Variants in SMAD4 observed in about 807,000 individuals in gnomAD.
SMAD4 encodes the protein SMAD family member 4.
In SMAD4, 7 loss-of-function variants were observed where a neutral mutation model predicts 63.2. That is an observed-to-expected ratio of 0.11 (90% CI 0.06 to 0.21). The LOEUF (loss-of-function observed/expected upper bound fraction) is 0.21, where lower values mean the gene tolerates loss of function less well. Among genes scored for constraint, SMAD4 ranks in the 10% least tolerant of loss-of-function variants. The pLI, the probability that SMAD4 is intolerant of heterozygous loss-of-function variation, is 1.00. For synonymous variants in SMAD4, 215 were observed against 235.4 expected, an observed-to-expected ratio of 0.91 and a Z score of 0.79; for missense variants, 312 against 693.8, an observed-to-expected ratio of 0.45 and a Z score of 6.18.
At chr18:51,050,658 CAAAA>C (rs796225213) in intron 4 of SMAD4, among the ~76,000 whole-genome samples, 1 of 84,778 alleles carries the variant, frequency 1.2e-5, no homozygotes, top group Non-Finnish European at 2.6e-5. Context: ...GACTCTGTCT[CAAAA>C]AAAAAAAAAA....
At chr18:51,057,191 C>A (rs538507614) in intron 5 of SMAD4, among the ~76,000 whole-genome samples, 3 of 151,988 alleles carry the variant, frequency 2.0e-5, no homozygotes, top group Non-Finnish European at 4.4e-5. Context: ...TACTCTCTTC[C>A]ATCTGATTAT....
Position 51,083,099 on chromosome 18 carries a change from G to GC in SMAD4, c.*4632_*4633insC. 4.4e-6 allele frequency: 1 copy of GC among 225,518 alleles called. No individual in the cohort carries two copies. The highest frequency in any genetic ancestry group is 6.4e-5 in the East Asian group (1 of 15,574). The allele number at this position is 225,518 out of a possible 1,614,324, so 14.0% of individuals were successfully genotyped here. On this transcript the variant is annotated 3_prime_UTR_variant, in exon 12 of 12. Transcript: ENST00000342988. Reference sequence around the variant, plus strand: ...ATTTTCCCCCTTAGAATAATATTTTGAAAGGTTTCATTGCTTCCACTTGAA... The same window carrying GC: ...ATTTTCCCCCTTAGAATAATATTTTGCAAAGGTTTCATTGCTTCCACTTGAA...
rs371222845 is a variant in SMAD4 at position 51,061,000 on chromosome 18, A to G, written c.955+1084A>G. Among the ~76,000 whole-genome samples the G allele has an allele frequency of 3.3e-5, 5 of 152,126 alleles. No homozygotes were observed. The South Asian group carries it at 6.2e-4, about 19-fold the overall frequency. ...GTGATCCTCCTGTCTTAGCCTCCCA[A>G]AGTGCTGGGATTATAGACGTGAGCC... is the stretch of plus-strand genomic sequence containing the variant. On this transcript the variant is annotated intron_variant, in intron 8 of 11. Coordinates refer to ENST00000342988, the MANE Select transcript of SMAD4 (RefSeq NM_005359.6).
chr18:51,068,327 T>TC (rs1415721125), intron 10 of SMAD4, among the ~76,000 whole-genome samples: 2 of 152,170 alleles, frequency 1.3e-5, no homozygotes, highest in Non-Finnish European at 2.9e-5. Context: ...AATGTGTTTC[T>TC]CCCCCAACTT....
Position 51,084,901 on chromosome 18 carries a change from GTCAGT to G in SMAD4, c.*6436_*6440del, listed in dbSNP as rs1910711312. ...GTAGCTTCTGCTTTGGGGACAACTGGTCAGTTGAAAGTCCCAGGAGTTCCTTTGTG... is the reference window on the plus strand; with the variant it reads ...GTAGCTTCTGCTTTGGGGACAACTGGTGAAAGTCCCAGGAGTTCCTTTGTG... On this transcript the variant is annotated 3_prime_UTR_variant, in exon 12 of 12. Coordinates refer to ENST00000342988, the MANE Select transcript of SMAD4 (RefSeq NM_005359.6). 4.5e-6 allele frequency: 1 copy of G among 221,476 alleles called. No individual in the cohort carries two copies. Among genetic ancestry groups the G allele is most frequent in the Non-Finnish European group, 9.0e-6 (1 of 110,776 alleles). 13.7% of individuals were successfully genotyped at this position (221,476 alleles called of 1,614,324 possible).
rs138909220 is a variant in SMAD4 at position 51,080,408 on chromosome 18, G to T, written c.*1941G>T. 417 of 231,302 alleles carry T rather than the reference G, an allele frequency of 1.8e-3. 4 individuals carry two copies. The highest frequency in any genetic ancestry group is 8.6e-3 in the African/African-American group (388 of 45,374). The allele number at this position is 231,302 out of a possible 1,614,324, so 14.3% of individuals were successfully genotyped here. A position where few individuals can be genotyped will look rare whatever the true frequency, so the allele number is the denominator to read the frequency against. ...AGTTTTATTGGCAGTTTTATAAAAA[G>T]ACATCTTCTCTAGAAATTGCTAACT... is the stretch of plus-strand genomic sequence containing the variant. On this transcript the variant is annotated 3_prime_UTR_variant, in exon 12 of 12. Coordinates refer to ENST00000342988, the MANE Select transcript of SMAD4 (RefSeq NM_005359.6).
chr18:51,049,926 A>C (rs148484873), intron 4 of SMAD4, among the ~76,000 whole-genome samples: 1 of 152,368 alleles, frequency 6.6e-6, no homozygotes, highest in East Asian at 1.9e-4. Flanking sequence ...GAGAAAATGA[A>C]ATGTGAATGG....
chr18:51,053,035 A>G (rs1909750326), intron 4 of SMAD4: 1 of 152,274 alleles, frequency 6.6e-6, no homozygotes, highest in African/African-American at 2.4e-5. Context: ...AGAAGTTTCA[A>G]ACTTACATTT....
chr18:51,078,104 G>T (rs1910514805), intron 11 of SMAD4, 152 bp from the exon 12 acceptor site: 1 of 708,418 alleles, frequency 1.4e-6, no homozygotes, highest in Non-Finnish European at 2.5e-6. Context: ...ATAAAGTTTA[G>T]ATCTACTGTT....
chr18:51,032,397 C>T (rs1909077249), intron 1 of SMAD4, among the ~76,000 whole-genome samples: 1 of 152,044 alleles, frequency 6.6e-6, no homozygotes, highest in Admixed American at 6.5e-5. Flanking sequence ...AAAATTTGTG[C>T]CGAGAAAGTC....
chr18:51,040,198 G>A (rs540904328), intron 1 of SMAD4, among the ~76,000 whole-genome samples: 2 of 152,140 alleles, frequency 1.3e-5, no homozygotes, highest in African/African-American at 4.8e-5. Flanking sequence ...AGGCCAAGGC[G>A]GGCAGATCAT....
chr18:51,036,190 T>G (rs1175447355), intron 1 of SMAD4, among the ~76,000 whole-genome samples: 1 of 152,070 alleles, frequency 6.6e-6, no homozygotes, highest in African/African-American at 2.4e-5. Flanking sequence ...TCTTGCTTTG[T>G]TGCCCAGGCT....
At chr18:51,035,140 T>C (rs1909167584) in intron 1 of SMAD4, among the ~76,000 whole-genome samples, 1 of 152,238 alleles carries the variant, frequency 6.6e-6, no homozygotes, top group Admixed American at 6.5e-5. Flanking sequence ...CTTCTGTGTC[T>C]GTCTCTTTCT....
intron 8 of SMAD4, among the ~76,000 whole-genome samples, chr18:51,060,550 C>T (rs1456884356): frequency 3.9e-5 from 6 of 152,172 alleles, no homozygotes; most frequent in Admixed American, 1.3e-4. Context: ...TATATTACTT[C>T]AGCTAATCAC....
chr18:51,046,190 G>A (rs1855501710), intron 1 of SMAD4, among the ~76,000 whole-genome samples: 1 of 152,132 alleles, frequency 6.6e-6, no homozygotes, highest in Non-Finnish European at 1.5e-5. Flanking sequence ...ATACCAGACT[G>A]TTTTCCAAAG....
chr18:51,057,590 A>T (rs1041923040), intron 5 of SMAD4, among the ~76,000 whole-genome samples: 1 of 152,236 alleles, frequency 6.6e-6, no homozygotes, highest in Non-Finnish European at 1.5e-5. Flanking sequence ...GCAGAGCTAG[A>T]TCTTTTTAAC....
At chr18:51,062,766 T>G (rs1910048514) in intron 8 of SMAD4, among the ~76,000 whole-genome samples, 1 of 151,764 alleles carries the variant, frequency 6.6e-6, no homozygotes, top group South Asian at 2.1e-4. Flanking sequence ...CCCAAAATGC[T>G]GGGATTACAG....
intron 1 of SMAD4, among the ~76,000 whole-genome samples, chr18:51,037,073 T>G (rs190860493): frequency 6.6e-6 from 1 of 152,280 alleles, no homozygotes; most frequent in African/African-American, 2.4e-5. Context: ...AATCCCAGCT[T>G]CTTGGGAGGC....
At position 51,030,601 on chromosome 18, in the gene SMAD4, C is replaced by G. The variant is rs1034918073; in HGVS notation, c.-150C>G. 3.3e-5 allele frequency: 5 copies of G among 150,726 alleles called. No homozygotes were observed. Among genetic ancestry groups the G allele is most frequent in the African/African-American group, 1.2e-4 (5 of 41,140 alleles). 9.3% of individuals were successfully genotyped at this position (150,726 alleles called of 1,614,324 possible). A position where few individuals can be genotyped will look rare whatever the true frequency, so the allele number is the denominator to read the frequency against. On this transcript the variant is annotated 5_prime_UTR_variant, in exon 1 of 12. Coordinates refer to ENST00000342988, the MANE Select transcript of SMAD4 (RefSeq NM_005359.6). ...ACCAGCAGCGCGGGAGAGCGGACTC[C>G]CCTCGCCACCGCCCGAGCCCAGGTA...
Sources: gnomAD v4.1 joint callset for allele counts (sites outside exome capture counted in the v4.1 genomes callset) on GRCh38, gnomAD v4.1.1 for gene constraint, MANE v1.5 for transcripts, NCBI Gene and HGNC (gene_info 2026-07-23, HGNC 2026-07-21) for gene names.